Variants in ITFG2 observed in about 807,000 individuals in gnomAD.
ITFG2 encodes the protein integrin alpha FG-GAP repeat containing 2.
Under a neutral mutation model 54.4 loss-of-function variants are expected in ITFG2, and 36 were observed. The observed-to-expected ratio is 0.66, with a 90% confidence interval of 0.51 to 0.87. ITFG2 has a LOEUF of 0.87. Ranked by LOEUF, ITFG2 falls within the 40% of genes least tolerant of loss-of-function variation. The probability of loss-of-function intolerance (pLI) is 0.00; values close to 1 mark genes in which losing one functional copy is unlikely to be tolerated. For missense variants in ITFG2, 524 were observed against 576.7 expected, an observed-to-expected ratio of 0.91 and a Z score of 0.94; for synonymous variants, 211 against 225.4, an observed-to-expected ratio of 0.94 and a Z score of 0.57.
chr12:2,859,109 G>A (rs1247738226), intron 3 of ITFG2: 2 of 1,605,862 alleles, frequency 1.2e-6, no homozygotes, highest in South Asian at 2.2e-5. Context: ...TGGAGGAGAT[G>A]GGCAGCGTTT....
intron 2 of ITFG2, among the ~76,000 whole-genome samples, chr12:2,844,100 CA>C (rs943873515): frequency 3.0e-5 from 4 of 132,100 alleles, no homozygotes; most frequent in Non-Finnish European, 6.3e-5. Flanking sequence ...ACTAAAAATA[CA>C]AAAAAAAATA....
chr12:2,841,964 C>A (rs550773261), intron 2 of ITFG2, among the ~76,000 whole-genome samples: 1 of 151,426 alleles, frequency 6.6e-6, no homozygotes, highest in South Asian at 2.1e-4. Context: ...TGATCCACCC[C>A]CTTCAGCCTC....
chr12:2,830,029 A>G (rs1262039970), downstream of ITFG2, among the ~76,000 whole-genome samples: 1 of 151,650 alleles, frequency 6.6e-6, no homozygotes, highest in East Asian at 1.9e-4. Flanking sequence ...GTGACACAAG[A>G]TCATGCCACT....
downstream of ITFG2, chr12:2,830,897 T>C (rs1485437895): frequency 1.4e-5 from 22 of 1,599,750 alleles, no homozygotes; most frequent in Non-Finnish European, 1.8e-5. Flanking sequence ...TAGGCAGTTC[T>C]AAACCCAGGC....
Position 2,820,098 on chromosome 12 carries a change from G to T in ITFG2, c.419G>T (p.Cys140Phe), listed in dbSNP as rs2097938220. 1 of 1,610,056 alleles carries T rather than the reference G, an allele frequency of 6.2e-7. No individual in the cohort carries two copies. Among genetic ancestry groups the T allele is most frequent in the Non-Finnish European group, 8.5e-7 (1 of 1,178,358 alleles). The change falls in exon 5 of 12, where the codon TGT becomes TTT. Residue 140 changes from cysteine (C) to phenylalanine (F), a missense_variant. Cys to Phe is a radical substitution (Grantham distance 205). Coordinates refer to ENST00000228799, the MANE Select transcript of ITFG2 (RefSeq NM_018463.4). The part of the protein sequence containing the change: ...MLISDIDGDG[C>F]RELVVGYTDR... ...TTCATGCCCACAGATGGAGATGGGTGTCGTGAGCTGGTGGTGGGCTACACA... is the reference window on the plus strand; with the variant it reads ...TTCATGCCCACAGATGGAGATGGGTTTCGTGAGCTGGTGGTGGGCTACACA...
At chr12:2,828,339 G>A (rs766339002), downstream of ITFG2, 8 of 1,613,856 alleles carry the variant, frequency 5.0e-6, no homozygotes, top group African/African-American at 1.3e-5. Flanking sequence ...TACCCCAGGC[G>A]GCTGAGACAT....
intron 2 of ITFG2, chr12:2,830,744 G>A (rs751996393): frequency 2.3e-5 from 37 of 1,613,704 alleles, no homozygotes; most frequent in Non-Finnish European, 3.1e-5. Context: ...TCTCTGTCCT[G>A]CTGGTCTTCC....
At chr12:2,858,640 A>G (rs1020806472) in intron 3 of ITFG2, 1 of 1,613,354 alleles carries the variant, frequency 6.2e-7, no homozygotes, top group South Asian at 1.1e-5. Context: ...GCAGGGCTCT[A>G]CTGTAGCTCA....
In ITFG2 at chr12:2,820,150, G is replaced by A. The variant is rs772137151; in HGVS notation, c.471G>A (p.Trp157Ter). The A allele has an allele frequency of 1.9e-6, 3 of 1,614,014 alleles. No individual in the cohort carries two copies. Residue 157 changes from tryptophan (W) to a stop codon, truncating the protein, a stop_gained, in exon 5 of 12, where the codon TGG (tryptophan) becomes TGA (stop). Transcript: ENST00000228799. LOFTEE classifies it high-confidence loss of function. ...YTDRVVRAFR[W>*]EELGEGPEHL... Reference sequence around the variant, plus strand: ...ACCGTGTGGTGCGAGCTTTCCGCTGGGAGGAGCTAGGTGAGGGTCCTGAAC... The same window carrying A: ...ACCGTGTGGTGCGAGCTTTCCGCTGAGAGGAGCTAGGTGAGGGTCCTGAAC...
At chr12:2,846,835 G>C (rs115077847) in intron 2 of ITFG2, among the ~76,000 whole-genome samples, 4 of 152,058 alleles carry the variant, frequency 2.6e-5, no homozygotes, top group Admixed American at 2.6e-4. Context: ...CGGACATGGC[G>C]TTAGAAGGAA....
At position 2,848,877 on chromosome 12, in the gene ITFG2, G is replaced by GCACACACACACACA. The variant is rs3056877; in HGVS notation, n.300+7904_300+7917dup. Among the ~76,000 whole-genome samples, 87 of 140,368 alleles carry GCACACACACACACA rather than the reference G, an allele frequency of 6.2e-4. 2 individuals carry two copies. Among genetic ancestry groups the GCACACACACACACA allele is most frequent in the African/African-American group, 1.8e-3 (68 of 37,180 alleles). The allele number at this position is 140,368 out of a possible 152,430, so 92.1% of individuals were successfully genotyped here. ...CCCCCACCCCAACAGACACACACAC[G>GCACACACACACACA]CACACACACACACACACACACACAC... On this transcript the variant is annotated intron_variant and non_coding_transcript_variant, in intron 2 of 3. Coordinates refer to the ITFG2 transcript ENST00000537710.
chr12:2,856,805 C>G (rs889332061), intron 2 of ITFG2: 1 of 625,044 alleles, frequency 1.6e-6, no homozygotes, highest in Non-Finnish European at 2.9e-6. Context: ...CTCTGGGTTC[C>G]TAGTGTCATA....
At chr12:2,828,248 T>C (rs553936756), downstream of ITFG2, 21 of 1,273,748 alleles carry the variant, frequency 1.6e-5, no homozygotes, top group Admixed American at 2.4e-4. Context: ...TATGCAACTG[T>C]CGTCACTATC....
At position 2,830,816 on chromosome 12, in the gene ITFG2, C is replaced by T. The variant is rs201091942; in HGVS notation, c.*60-18C>T. ...GGGGAGGCTCCCCCTGAAGCCAATT[C>T]GGGTTTCCCTCCACCAGGCGTCTTT... On this transcript the variant is annotated intron_variant and NMD_transcript_variant, in intron 2 of 2. Coordinates refer to the ITFG2 transcript ENST00000538822. The T allele has an allele frequency of 2.3e-5, 37 of 1,613,700 alleles. 1 individual carries two copies. The highest frequency in any genetic ancestry group is 6.7e-5 in the East Asian group (3 of 44,846).
Position 2,818,118 on chromosome 12 carries a change from G to C in ITFG2, c.247G>C (p.Ala83Pro), listed in dbSNP as rs772026053. The C allele has an allele frequency of 6.2e-7, 1 of 1,613,998 alleles. No individual in the cohort carries two copies. The highest frequency in any genetic ancestry group is 1.1e-5 in the South Asian group (1 of 91,082). Residue 83 changes from alanine to proline, a missense_variant, in exon 4 of 12, where the codon GCA (alanine) becomes CCA (proline). Physicochemically the swap from Ala to Pro is conservative, Grantham distance 27. Transcript: ENST00000228799. ...VCNKGKNLLV[A>P]VSAEGWFHLF... ...CTGTTTGTCCTAGAACCTGTTGGTG[G>C]CAGTGAGTGCTGAAGGCTGGTTTCA...
At chr12:2,847,759 A>G (rs767457107) in intron 2 of ITFG2, among the ~76,000 whole-genome samples, 5 of 151,680 alleles carry the variant, frequency 3.3e-5, no homozygotes, top group Non-Finnish European at 5.9e-5. Context: ...CTGTCTCTAT[A>G]CGTTTGCCTA....
chr12:2,827,349 C>G, downstream of ITFG2: 1 of 1,578,068 alleles, frequency 6.3e-7, no homozygotes, highest in Non-Finnish European at 8.6e-7. The surrounding 1 kb of genome is among the most constrained non-coding windows in gnomAD (Gnocchi z 4.0). Context: ...CGCCACCTGC[C>G]TCCCGGCCTG....
intron 2 of ITFG2, among the ~76,000 whole-genome samples, chr12:2,853,016 C>CAA (rs200264720): frequency 2.0e-5 from 3 of 149,438 alleles, no homozygotes; most frequent in African/African-American, 7.4e-5. Flanking sequence ...AAAGAAACAA[C>CAA]AAAAAAAAAC....
At chr12:2,821,439 C>A in intron 7 of ITFG2, 80 bp downstream of exon 7, 1 of 1,553,542 alleles carries the variant, frequency 6.4e-7, no homozygotes, top group Non-Finnish European at 8.9e-7. Context: ...TAGCTTTCCC[C>A]TCATTTCGAG....
Sources: gnomAD v4.1 joint callset for allele counts (sites outside exome capture counted in the v4.1 genomes callset) on GRCh38, gnomAD v4.1.1 for gene constraint, Gnocchi (gnomAD v3.1) non-coding constraint, MANE v1.5 for transcripts, NCBI Gene and HGNC (gene_info 2026-07-23, HGNC 2026-07-21) for gene names.